OPCML: variants seen among roughly 807,000 people sequenced by gnomAD.
OPCML encodes the protein opioid binding protein/cell adhesion molecule like.
In OPCML, 13 loss-of-function variants were observed where a neutral mutation model predicts 37.8. That is an observed-to-expected ratio of 0.34 (90% CI 0.22 to 0.55). OPCML has a LOEUF of 0.55. OPCML is among the 20% of genes least tolerant of loss of function. The pLI is 0.91. For missense variants in OPCML, 341 were observed against 435.6 expected (o/e 0.78, Z 1.93); for synonymous variants, 176 against 168.8 (o/e 1.04, Z -0.33).
chr11:133,193,204 T>C (rs567543215), intron 1 of OPCML, among the ~76,000 whole-genome samples: 2 of 152,152 alleles, frequency 1.3e-5, no homozygotes, highest in Non-Finnish European at 2.9e-5. Context: ...CCTGGATCTG[T>C]ACATTCCTGG....
intron 1 of OPCML, among the ~76,000 whole-genome samples, chr11:133,233,187 G>T (rs1424296778): frequency 6.6e-6 from 1 of 152,198 alleles, no homozygotes; most frequent in African/African-American, 2.4e-5. Context: ...GAGGGGCCGA[G>T]TTTCCAGACT....
chr11:132,810,519 C>T (rs1939280013), intron 2 of OPCML, among the ~76,000 whole-genome samples: 1 of 152,032 alleles, frequency 6.6e-6, no homozygotes, highest in Non-Finnish European at 1.5e-5. Flanking sequence ...GGTGAAACCC[C>T]TTCTCTACTA....
At chr11:133,008,308 CT>C in intron 1 of OPCML, 1 of 985,330 alleles carries the variant, frequency 1.0e-6, no homozygotes, top group Non-Finnish European at 1.2e-6. Context: ...TAACTACTGC[CT>C]GGTAAACAAC....
intron 2 of OPCML, among the ~76,000 whole-genome samples, chr11:132,760,817 A>G (rs1419063757): frequency 6.6e-6 from 1 of 152,004 alleles, no homozygotes; most frequent in Non-Finnish European, 1.5e-5. Flanking sequence ...TAATATTGTT[A>G]TGTGTGAATT....
chr11:133,529,714 C>T (rs1238972445), intron 1 of OPCML, among the ~76,000 whole-genome samples: 1 of 152,064 alleles, frequency 6.6e-6, no homozygotes, highest in African/African-American at 2.4e-5. Context: ...GGTTTTTAGA[C>T]GCAGTGAAAG....
At chr11:132,787,124 C>A (rs1046304961) in intron 2 of OPCML, among the ~76,000 whole-genome samples, 7 of 152,154 alleles carry the variant, frequency 4.6e-5, no homozygotes, top group African/African-American at 1.7e-4. Flanking sequence ...GGTTTGAGAA[C>A]CAGACTTCGA....
chr11:133,464,484 T>G lies in OPCML; in HGVS notation c.61+67780A>C, dbSNP rs186019779. Among the ~76,000 whole-genome samples the G allele has an allele frequency of 3.0e-3, 455 of 152,282 alleles. 4 individuals carry two copies. The highest frequency in any genetic ancestry group is 9.8e-3 in the African/African-American group (408 of 41,576). ...TCTGGGGCCATGTGGCAGGAGACCC[T>G]CATTGGATGTGGAAGGCTTTCTGGA... On this transcript the variant is annotated intron_variant, in intron 1 of 7. Coordinates refer to ENST00000524381, the MANE Select transcript of OPCML (RefSeq NM_001012393.5).
chr11:132,906,617 A>G (rs1435775702), intron 2 of OPCML, among the ~76,000 whole-genome samples: 1 of 152,206 alleles, frequency 6.6e-6, no homozygotes, highest in Non-Finnish European at 1.5e-5. Context: ...TGAGGAACAC[A>G]CACTGTACTC....
intron 1 of OPCML, among the ~76,000 whole-genome samples, chr11:133,463,119 C>CAAAAA (rs558107695): frequency 2.0e-5 from 1 of 49,900 alleles, no homozygotes; most frequent in African/African-American, 5.9e-5. Context: ...ACATCAGGCT[C>CAAAAA]AAAAAAAAAA....
chr11:133,024,658 A>G, intron 1 of OPCML: 1 of 875,278 alleles, frequency 1.1e-6, no homozygotes, highest in Non-Finnish European at 1.4e-6. Flanking sequence ...CAATTTTGAC[A>G]GTGGTGAAGA....
At chr11:132,909,015 C>T (rs74569590) in intron 2 of OPCML, among the ~76,000 whole-genome samples, 8,447 of 150,160 alleles carry the variant, frequency 0.056, 370 homozygotes, top group Middle Eastern at 0.13. Context: ...GCTGTGCCAT[C>T]GCTCCTCCTC....
At chr11:132,433,603 G>A (rs762040795) in intron 7 of OPCML, among the ~76,000 whole-genome samples, 4 of 152,144 alleles carry the variant, frequency 2.6e-5, no homozygotes, top group South Asian at 2.1e-4. Flanking sequence ...CTCTACTACC[G>A]AATGTCTATG....
At chr11:132,538,341 A>C (rs1051032043) in intron 3 of OPCML, among the ~76,000 whole-genome samples, 3 of 152,212 alleles carry the variant, frequency 2.0e-5, no homozygotes, top group Non-Finnish European at 4.4e-5. Flanking sequence ...TTCATGTAGG[A>C]TATCCAGAAT....
intron 3 of OPCML, among the ~76,000 whole-genome samples, chr11:132,612,658 A>G (rs1316356788): frequency 6.6e-6 from 1 of 152,204 alleles, no homozygotes; most frequent in Admixed American, 6.5e-5. Context: ...ACCTAAGCAG[A>G]GGCTTGAGAA....
intron 1 of OPCML, among the ~76,000 whole-genome samples, chr11:133,207,925 G>A (rs1416746814): frequency 1.3e-5 from 2 of 152,054 alleles, no homozygotes; most frequent in South Asian, 2.1e-4. Context: ...CTTCGCCGCA[G>A]GGTCTTCATT....
chr11:132,659,091 A>G (rs7105439), intron 2 of OPCML, among the ~76,000 whole-genome samples: 1 of 152,186 alleles, frequency 6.6e-6, no homozygotes, highest in Admixed American at 6.5e-5. Flanking sequence ...TGATTCTTTC[A>G]CATCATTATA....
chr11:133,075,616 G>T (rs1391388304), intron 1 of OPCML, among the ~76,000 whole-genome samples: 1 of 152,218 alleles, frequency 6.6e-6, no homozygotes, highest in Non-Finnish European at 1.5e-5. Flanking sequence ...CCCAAGAAAA[G>T]TCTTGGCCAG....
At chr11:132,754,288 C>T (rs944239680) in intron 2 of OPCML, among the ~76,000 whole-genome samples, 5 of 152,110 alleles carry the variant, frequency 3.3e-5, no homozygotes, top group Admixed American at 2.6e-4. Flanking sequence ...GTGGAGGGAC[C>T]CGATGGGAGT....
rs1036963686 is a variant in OPCML at position 132,664,870 on chromosome 11, G to A, written c.147-7551C>T. Among the ~76,000 whole-genome samples, 7 of 152,208 alleles carry A rather than the reference G, an allele frequency of 4.6e-5. 1 individual carries two copies. The highest frequency in any genetic ancestry group is 1.0e-4 in the Non-Finnish European group (7 of 68,032). ...AATATTTGCTGATAAGGTATTGGTT[G>A]AGAATGTATCTGAAAGCCTCTGCAG... On this transcript the variant is annotated intron_variant, in intron 2 of 7. Coordinates refer to ENST00000524381, the MANE Select transcript of OPCML (RefSeq NM_001012393.5).
Sources: allele counts gnomAD v4.1 joint callset (sites outside exome capture counted in the v4.1 genomes callset), GRCh38; gene constraint gnomAD v4.1.1; transcripts MANE v1.5; gene names NCBI Gene and HGNC (gene_info 2026-07-23, HGNC 2026-07-21).